SIPA1L3: variants seen among roughly 807,000 people sequenced by gnomAD.
SIPA1L3 encodes the protein signal induced proliferation associated 1 like 3, also known as signal-induced proliferation-associated 1-like protein 3.
In SIPA1L3, 59 loss-of-function variants were observed where a neutral mutation model predicts 150.1. The observed-to-expected ratio is 0.39, with a 90% CI of 0.32 to 0.49. The LOEUF (loss-of-function observed/expected upper bound fraction) is 0.49, where lower values mean the gene tolerates loss of function less well. SIPA1L3 is among the 20% of genes least tolerant of loss of function. The pLI is 0.86. For missense variants in SIPA1L3, 2,211 were observed against 2,489.5 expected, an observed-to-expected ratio of 0.89 and a Z score of 2.38; for synonymous variants, 1,070 against 1,077.6, an observed-to-expected ratio of 0.99 and a Z score of 0.14.
intron 1 of SIPA1L3, among the ~76,000 whole-genome samples, chr19:37,933,527 T>C (rs781010265): frequency 6.6e-6 from 1 of 152,226 alleles, no homozygotes; most frequent in Non-Finnish European, 1.5e-5. Context: ...TGTAGAACCG[T>C]TCCTGGCACG....
chr19:38,015,134 A>G (rs1364474328), intron 1 of SIPA1L3, among the ~76,000 whole-genome samples: 2 of 152,166 alleles, frequency 1.3e-5, no homozygotes, highest in Non-Finnish European at 2.9e-5. Flanking sequence ...ATTTAAATGC[A>G]AGTATCAGAT....
At chr19:38,052,563 T>A (rs1230059692) in intron 2 of SIPA1L3, among the ~76,000 whole-genome samples, 4 of 152,218 alleles carry the variant, frequency 2.6e-5, no homozygotes, top group Non-Finnish European at 4.4e-5. Flanking sequence ...TTCCCTGTGT[T>A]TCAGAGCAGG....
intron 2 of SIPA1L3, among the ~76,000 whole-genome samples, chr19:38,037,338 G>C (rs2145732381): frequency 6.6e-6 from 1 of 152,322 alleles, no homozygotes; most frequent in East Asian, 1.9e-4. Context: ...TCCCCCAGTG[G>C]GGGCGAGGAA....
At chr19:38,125,566 G>A (rs1971153358) in intron 9 of SIPA1L3, among the ~76,000 whole-genome samples, 2 of 151,140 alleles carry the variant, frequency 1.3e-5, no homozygotes, top group Non-Finnish European at 2.9e-5. Flanking sequence ...CAGTGCCCCA[G>A]AGCCTGCTGG....
At chr19:38,136,398 GTTCAA>G (rs2145929356) in intron 10 of SIPA1L3, among the ~76,000 whole-genome samples, 1 of 152,032 alleles carries the variant, frequency 6.6e-6, no homozygotes, top group South Asian at 2.1e-4. Context: ...GAGATCAGGA[GTTCAA>G]GACCAGCCTA....
At chr19:37,930,921 A>G (rs181762789) in intron 1 of SIPA1L3, among the ~76,000 whole-genome samples, 1 of 150,858 alleles carries the variant, frequency 6.6e-6, no homozygotes, top group East Asian at 1.9e-4. Context: ...GTTCATTCAC[A>G]GGGGACTATA....
chr19:38,091,055 G>A (rs559379413), intron 4 of SIPA1L3, among the ~76,000 whole-genome samples: 6 of 152,162 alleles, frequency 3.9e-5, no homozygotes, highest in Non-Finnish European at 8.8e-5. Context: ...GGACATATGG[G>A]CAACTGCTGG....
intron 1 of SIPA1L3, among the ~76,000 whole-genome samples, chr19:37,958,471 A>G (rs2046829821): frequency 6.6e-6 from 1 of 152,212 alleles, no homozygotes; most frequent in African/African-American, 2.4e-5. Flanking sequence ...ATGTGAAAGA[A>G]TGAAGTTGGA....
At position 37,941,452 on chromosome 19, in the gene SIPA1L3, GTT is replaced by G. The variant is rs573938334; in HGVS notation, c.-379+34111_-379+34112del. 4.5e-3 allele frequency among the ~76,000 whole-genome samples: 524 copies of G among 115,620 alleles called. 2 individuals are homozygous for G. Among genetic ancestry groups the G allele is most frequent in the African/African-American group, 0.015 (474 of 32,436 alleles). The allele number at this position is 115,620 out of a possible 152,430, so 75.9% of individuals were successfully genotyped here. ...GCTGGTGGTTTCTAATCTGTTGTGT[GTT>G]TTTTTTTTTTTTTTTTCCTGCAGAG... On this transcript the variant is annotated intron_variant, in intron 1 of 21. Coordinates refer to ENST00000222345, the MANE Select transcript of SIPA1L3 (RefSeq NM_015073.3).
intron 2 of SIPA1L3, among the ~76,000 whole-genome samples, chr19:38,064,615 C>A (rs1451581259): frequency 6.6e-6 from 1 of 152,110 alleles, no homozygotes; most frequent in East Asian, 1.9e-4. Context: ...AGGAGAATTG[C>A]TTGAACCTGG....
At chr19:38,070,796 C>G (rs1969698273) in intron 2 of SIPA1L3, among the ~76,000 whole-genome samples, 1 of 152,194 alleles carries the variant, frequency 6.6e-6, no homozygotes, top group East Asian at 1.9e-4. Flanking sequence ...TGGATGCATG[C>G]CTGGAGGAGT....
At chr19:38,141,858 T>TG (rs1971593871) in intron 11 of SIPA1L3, among the ~76,000 whole-genome samples, 1 of 152,144 alleles carries the variant, frequency 6.6e-6, no homozygotes, top group Non-Finnish European at 1.5e-5. Flanking sequence ...GATGCACACC[T>TG]GTGGTCCCAG....
intron 3 of SIPA1L3, chr19:38,087,679 G>A (rs1381937191): frequency 6.6e-6 from 1 of 152,296 alleles, no homozygotes; most frequent in Non-Finnish European, 1.5e-5. Flanking sequence ...GGGAGCAGGA[G>A]GTGTGTCCCA....
In SIPA1L3 at chr19:38,182,504, A is replaced by G; in HGVS notation, c.4209-15A>G. ...GGATTTGGTTTTTTTTATCTCTTTC[A>G]TTTTTGCTTTGCAGTGACATGGGCT... On this transcript the variant is annotated splice_polypyrimidine_tract_variant and intron_variant, in intron 15 of 21. Transcript: ENST00000222345. 6.4e-7 allele frequency: 1 copy of G among 1,573,808 alleles called. No individual in the cohort carries two copies. The highest frequency in any genetic ancestry group is 8.6e-7 in the Non-Finnish European group (1 of 1,156,094).
intron 1 of SIPA1L3, among the ~76,000 whole-genome samples, chr19:37,946,165 A>T (rs117544036): frequency 0.076 from 11,614 of 151,900 alleles, 647 homozygotes; most frequent in Non-Finnish European, 0.11. Context: ...CAAAAAAAAA[A>T]AATAATAATA....
chr19:38,125,486 G>A (rs79238714), intron 9 of SIPA1L3, among the ~76,000 whole-genome samples: 116 of 151,948 alleles, frequency 7.6e-4, no homozygotes, highest in African/African-American at 2.5e-3. Context: ...ACCCACCCCC[G>A]TGCCTACTGT....
intron 1 of SIPA1L3, among the ~76,000 whole-genome samples, chr19:38,010,973 C>T (rs1019706264): frequency 6.6e-6 from 1 of 152,206 alleles, no homozygotes; most frequent in Non-Finnish European, 1.5e-5. Context: ...ACAGAAACGT[C>T]TCTCCTTACA....
intron 1 of SIPA1L3, among the ~76,000 whole-genome samples, chr19:37,953,742 C>A (rs560518500): frequency 6.6e-6 from 1 of 152,212 alleles, no homozygotes; most frequent in Non-Finnish European, 1.5e-5. Context: ...TGACTCCTCG[C>A]TGCTGGCTGT....
chr19:38,149,446 CTGAT>C (rs1971772427), intron 12 of SIPA1L3, among the ~76,000 whole-genome samples: 1 of 152,130 alleles, frequency 6.6e-6, no homozygotes, highest in South Asian at 2.1e-4. Context: ...TACGGGTTGT[CTGAT>C]TGGGGAAAGT....
Sources: gnomAD v4.1 joint callset for allele counts (sites outside exome capture counted in the v4.1 genomes callset) on GRCh38, gnomAD v4.1.1 for gene constraint, MANE v1.5 for transcripts, NCBI Gene and HGNC (gene_info 2026-07-23, HGNC 2026-07-21) for gene names.